The following ANK1 variants were observed in gnomAD, a reference collection of about 807,000 sequenced individuals.
ANK1 encodes the protein ankyrin 1.
Under a neutral mutation model 210.4 loss-of-function variants are expected in ANK1, and 51 were observed. The ratio of observed to expected loss-of-function variants is 0.24; its 90% CI spans 0.19 to 0.31. The LOEUF (loss-of-function observed/expected upper bound fraction) is 0.31, where lower values mean the gene tolerates loss of function less well. Ranked by LOEUF, ANK1 falls within the 10% of genes least tolerant of loss-of-function variation. The pLI is 1.00. For missense variants in ANK1, 2,051 were observed against 2,504.4 expected, an observed-to-expected ratio of 0.82 and a Z score of 3.86; for synonymous variants, 967 against 1,025.9, an observed-to-expected ratio of 0.94 and a Z score of 1.10.
At chr8:41,748,849 C>T (rs1836871635) in intron 2 of ANK1, among the ~76,000 whole-genome samples, 1 of 152,176 alleles carries the variant, frequency 6.6e-6, no homozygotes, top group Non-Finnish European at 1.5e-5. Flanking sequence ...TCCCAGCTAA[C>T]ACAGTGAAAT....
chr8:41,766,566 A>C (rs189188816), intron 1 of ANK1, among the ~76,000 whole-genome samples: 14 of 152,218 alleles, frequency 9.2e-5, no homozygotes, highest in African/African-American at 3.4e-4. Context: ...AACTCGGGAC[A>C]TTGGGAAAAC....
chr8:41,723,503 C>T, intron 8 of ANK1, 32 bp downstream of exon 8: 3 of 1,611,842 alleles, frequency 1.9e-6, no homozygotes, highest in Non-Finnish European at 2.5e-6. Flanking sequence ...CCTCCCTCCC[C>T]CTGCCTGGCT....
In ANK1 at chr8:41,718,115, C is replaced by T. The variant is rs756075877; in HGVS notation, c.1197G>A (p.Ala399=). The T allele has an allele frequency of 3.8e-5, 62 of 1,613,754 alleles. No individual in the cohort carries two copies. The highest frequency in any genetic ancestry group is 2.2e-4 in the Admixed American group (13 of 59,996). The change falls in exon 11 of 43, where the codon GCG becomes GCA. Residue 399 remains alanine, a synonymous_variant. Transcript: ENST00000289734. Reference sequence around the variant, plus strand: ...CTGCAGTCTCTCCTACCTCGGTGACCGCGTCGATCGAGGCTCCCGTCTTCA... The same window carrying T: ...CTGCAGTCTCTCCTACCTCGGTGACTGCGTCGATCGAGGCTCCCGTCTTCA... ...LLLKTGASID[A]VTESGLTPLH... is the part of the protein sequence containing the mutation.
chr8:41,727,804 A>AGT (rs1214281784), intron 4 of ANK1, 104 bp downstream of exon 4: 2 of 1,031,838 alleles, frequency 1.9e-6, no homozygotes, highest in Non-Finnish European at 3.0e-6. Flanking sequence ...GCCCCACAGT[A>AGT]GTGTGTGTGT....
chr8:41,781,782 G>A (rs2150748237), intron 1 of ANK1, among the ~76,000 whole-genome samples: 1 of 152,296 alleles, frequency 6.6e-6, no homozygotes, highest in Admixed American at 6.5e-5. Flanking sequence ...GTGACCCAGG[G>A]CCAGGAGGGA....
At chr8:41,842,737 G>A (rs933288223) in intron 1 of ANK1, among the ~76,000 whole-genome samples, 4 of 152,202 alleles carry the variant, frequency 2.6e-5, no homozygotes, top group African/African-American at 7.2e-5. Flanking sequence ...TGGGACTGGG[G>A]CTGGGCATTG....
intron 37 of ANK1, among the ~76,000 whole-genome samples, chr8:41,674,570 G>A (rs1813551466): frequency 6.6e-6 from 1 of 152,234 alleles, no homozygotes; most frequent in Admixed American, 6.5e-5. Context: ...GTGTGTGAGA[G>A]GACCCAGCAG....
At chr8:41,868,392 T>C (rs1814874293) in intron 1 of ANK1, among the ~76,000 whole-genome samples, 1 of 152,170 alleles carries the variant, frequency 6.6e-6, no homozygotes, top group Non-Finnish European at 1.5e-5. Flanking sequence ...CCTGGGGCGG[T>C]GGGGAAGGGC....
Position 41,698,035 on chromosome 8 carries a change from C to T in ANK1, c.2637+8G>A, listed in dbSNP as rs751979232. On this transcript the variant is annotated splice_region_variant and intron_variant, in intron 24 of 42. Transcript: ENST00000289734. ...ATGTGGGGAAACCACAGAGAAGGAG[C>T]TTCTCACCTGCTCCTGCTCTTCTGA... 1.2e-6 allele frequency: 2 copies of T among 1,613,906 alleles called. No homozygotes were observed. Among genetic ancestry groups the T allele is most frequent in the East Asian group, 2.2e-5 (1 of 44,866 alleles).
chr8:41,856,874 C>CT (rs35341809), intron 1 of ANK1, among the ~76,000 whole-genome samples: 1,681 of 95,108 alleles, frequency 0.018, 21 homozygotes, highest in Middle Eastern at 0.022. Flanking sequence ...TAACAGCCCT[C>CT]TTTTTTTTTT....
intron 1 of ANK1, among the ~76,000 whole-genome samples, chr8:41,824,513 A>G (rs569961251): frequency 6.6e-6 from 1 of 152,288 alleles, no homozygotes; most frequent in East Asian, 1.9e-4. Flanking sequence ...CACCACTCCT[A>G]TGGAAACAGA....
intron 1 of ANK1, among the ~76,000 whole-genome samples, chr8:41,767,424 C>G (rs976098452): frequency 1.3e-5 from 2 of 151,898 alleles, no homozygotes; most frequent in East Asian, 3.9e-4. Flanking sequence ...TCCCGCTCCC[C>G]CTCCCGGTTA....
At chr8:41,679,626 A>G (rs1404279778) in intron 37 of ANK1, among the ~76,000 whole-genome samples, 1 of 135,452 alleles carries the variant, frequency 7.4e-6, no homozygotes, top group Non-Finnish European at 1.5e-5. Flanking sequence ...GCAGTGGCGC[A>G]ATCTCGGCTC....
At chr8:41,678,951 T>A (rs1048374750) in intron 37 of ANK1, among the ~76,000 whole-genome samples, 36 of 151,980 alleles carry the variant, frequency 2.4e-4, no homozygotes, top group African/African-American at 8.2e-4. Context: ...ACCCAGCTAA[T>A]TTTTTTGTAT....
intron 1 of ANK1, among the ~76,000 whole-genome samples, chr8:41,791,183 GTACT>G (rs1484400002): frequency 2.2e-5 from 3 of 138,484 alleles, no homozygotes; most frequent in Non-Finnish European, 4.6e-5. Context: ...GCTTTTCTCA[GTACT>G]AACTTTGTTT....
rs57077078 is a variant in ANK1 at position 41,703,422 on chromosome 8, G to GTATATATA, written c.2295+611_2295+618dup. Among the ~76,000 whole-genome samples the GTATATATA allele has an allele frequency of 2.8e-3, 153 of 53,722 alleles. 8 individuals carry two copies. Among genetic ancestry groups the GTATATATA allele is most frequent in the Non-Finnish European group, 3.4e-3 (98 of 28,786 alleles). 35.2% of individuals were successfully genotyped at this position (53,722 alleles called of 152,430 possible). On this transcript the variant is annotated intron_variant, in intron 20 of 42. Transcript: ENST00000289734. Reference sequence around the variant, plus strand: ...TATATGTGTGTGTGTGTGTGTGTGTGTATATATATATATATATATATATAT... The same window carrying GTATATATA: ...TATATGTGTGTGTGTGTGTGTGTGTGTATATATATATATATATATATATATATATATAT...
intron 13 of ANK1, among the ~76,000 whole-genome samples, chr8:41,716,387 G>A (rs1179601126): frequency 2.0e-5 from 3 of 152,072 alleles, no homozygotes; most frequent in Middle Eastern, 3.4e-3. Context: ...TGCTGCTGTC[G>A]GGCTGCCTGG....
chr8:41,748,983 A>C (rs1450568757), intron 2 of ANK1, among the ~76,000 whole-genome samples: 9 of 151,866 alleles, frequency 5.9e-5, no homozygotes, highest in South Asian at 2.1e-4. Flanking sequence ...TGCAGTGAAC[A>C]GAGATCCTGC....
chr8:41,818,865 A>G (rs576522841), intron 1 of ANK1, among the ~76,000 whole-genome samples: 9 of 152,340 alleles, frequency 5.9e-5, no homozygotes, highest in Admixed American at 3.9e-4. Flanking sequence ...GATTGTGCAC[A>G]GCGGGGCTTG....
Sources: gnomAD v4.1 joint callset for allele counts (sites outside exome capture counted in the v4.1 genomes callset) on GRCh38, gnomAD v4.1.1 for gene constraint, MANE v1.5 for transcripts, NCBI Gene and HGNC (gene_info 2026-07-23, HGNC 2026-07-21) for gene names.